Variants in TIAM2 observed in about 807,000 individuals in gnomAD.
TIAM2 encodes the protein rho guanine nucleotide exchange factor TIAM2.
A neutral mutation model predicts 152.9 loss-of-function variants in TIAM2; 80 were observed. The ratio of observed to expected loss-of-function variants is 0.52; its 90% CI spans 0.44 to 0.63. The LOEUF (loss-of-function observed/expected upper bound fraction) is 0.63, where lower values mean the gene tolerates loss of function less well. Among genes scored for constraint, TIAM2 ranks in the 30% least tolerant of loss-of-function variants. The probability of loss-of-function intolerance (pLI) is 0.00; values close to 1 mark genes in which losing one functional copy is unlikely to be tolerated. For synonymous variants in TIAM2, 804 were observed against 838.0 expected, an observed-to-expected ratio of 0.96 and a Z score of 0.70; for missense variants, 1,965 against 2,120.1, an observed-to-expected ratio of 0.93 and a Z score of 1.44.
rs77863116 is a variant in TIAM2, at chr6:155,165,258, A to G, written c.2215-5A>G. 8 of 1,601,924 alleles carry G rather than the reference A, an allele frequency of 5.0e-6. No homozygotes were observed. The Admixed American group carries it at 8.9e-5, about 18-fold the overall frequency. ...AGATTTTTTTTAAACTGTGTTTTAC[A>G]TTAGGTATGTTCTAGAGATGACTCT... On this transcript the variant is annotated splice_region_variant and splice_polypyrimidine_tract_variant and intron_variant, in intron 8 of 26. Coordinates refer to ENST00000682666, the MANE Select transcript of TIAM2 (RefSeq NM_012454.4).
intron 1 of TIAM2, among the ~76,000 whole-genome samples, chr6:155,050,648 C>T (rs1777297715): frequency 6.6e-6 from 1 of 152,194 alleles, no homozygotes; most frequent in African/African-American, 2.4e-5. Flanking sequence ...TTGCAGTGAC[C>T]TAAGAAGCTT....
At chr6:155,234,590 C>G (rs1014207499) in intron 15 of TIAM2, among the ~76,000 whole-genome samples, 1 of 152,026 alleles carries the variant, frequency 6.6e-6, no homozygotes, top group African/African-American at 2.4e-5. Flanking sequence ...TCTTTTGTAG[C>G]GATGGGTTTC....
rs1783685416 is a variant in TIAM2, at chr6:155,251,950, A to G, written c.4066A>G (p.Lys1356Glu). The stretch of plus-strand genomic sequence containing the variant: ...TTCTCTTTTCCTTTCTTTAGTTTTT[A>G]AGAGAGCCGTCATACTGGTTTATAA... ...KDLELTVFVF[K>E]RAVILVYKEN... is the part of the protein sequence containing the mutation. The change falls in exon 23 of 27, where the codon AAG (lysine) becomes GAG (glutamate). Residue 1356 changes from lysine to glutamate, a missense_variant. Lys to Glu is a moderately conservative substitution (Grantham distance 56). Around this residue, in one of 3 missense-constraint regions of TIAM2, gnomAD observed 935 missense variants for 980.0 expected, o/e 0.95. Coordinates refer to ENST00000682666, the MANE Select transcript of TIAM2 (RefSeq NM_012454.4). 2 of 1,603,124 alleles carry G rather than the reference A, an allele frequency of 1.2e-6. No homozygotes were observed. The highest frequency in any genetic ancestry group is 1.7e-6 in the Non-Finnish European group (2 of 1,175,960).
At chr6:155,106,989 G>GT (rs1411022078) in intron 2 of TIAM2, among the ~76,000 whole-genome samples, 1 of 152,222 alleles carries the variant, frequency 6.6e-6, no homozygotes, top group African/African-American at 2.4e-5. Flanking sequence ...CACAGGATCT[G>GT]TTTTTAGCTC....
At chr6:155,018,361 T>G (rs1038194258) in intron 1 of TIAM2, among the ~76,000 whole-genome samples, 1 of 152,042 alleles carries the variant, frequency 6.6e-6, no homozygotes, top group African/African-American at 2.4e-5. Flanking sequence ...ACAGGCCAGG[T>G]GCAGTGGCTT....
intron 14 of TIAM2, among the ~76,000 whole-genome samples, chr6:155,187,573 C>CCTTTTTTTTTTT (rs1189509294): frequency 1.4e-4 from 7 of 49,620 alleles, no homozygotes; most frequent in African/African-American, 3.9e-4. Flanking sequence ...ACCCCGCCCC[C>CCTTTTTTTTTTT]TTTTTTTTTT....
In TIAM2 at chr6:155,156,857, G is replaced by T. The variant is rs1333136256; in HGVS notation, c.2029-7558G>T. Among the ~76,000 whole-genome samples, 3 of 151,918 alleles carry T rather than the reference G, an allele frequency of 2.0e-5. No individual in the cohort carries two copies. The highest frequency in any genetic ancestry group is 4.4e-5 in the Non-Finnish European group (3 of 67,988). ...GCACAAATGTGCCCTGCTCCCCTCC[G>T]CCCTCTTCATCTGGCTCACCCCTTC... is the stretch of plus-strand genomic sequence containing the variant. On this transcript the variant is annotated intron_variant, in intron 7 of 26. Coordinates refer to ENST00000682666, the MANE Select transcript of TIAM2 (RefSeq NM_012454.4). This position sits in a 1 kb window ranked among gnomAD's most constrained non-coding sequence, Gnocchi z 4.4.
chr6:155,161,355 T>C (rs1780264051), intron 7 of TIAM2, among the ~76,000 whole-genome samples: 1 of 152,110 alleles, frequency 6.6e-6, no homozygotes, highest in African/African-American at 2.4e-5. Flanking sequence ...ATTTTTGCAT[T>C]TTTTTGTAGA....
At position 155,254,232 on chromosome 6, in the gene TIAM2, T is replaced by C. The variant is rs1783860275; in HGVS notation, c.4313+172T>C. The C allele has an allele frequency of 1.0e-5, 10 of 996,218 alleles. No individual in the cohort carries two copies. The South Asian group carries it at 1.4e-4, about 14-fold the overall frequency. The allele number at this position is 996,218 out of a possible 1,614,324, so 61.7% of individuals were successfully genotyped here. A position where few individuals can be genotyped will look rare whatever the true frequency, so the allele number is the denominator to read the frequency against. Reference sequence around the variant, plus strand: ...TAGGAGACTATGTTGATTAAATAAATATCAAAATCTTAAGAGTGATCAATT... The same window carrying C: ...TAGGAGACTATGTTGATTAAATAAACATCAAAATCTTAAGAGTGATCAATT... On this transcript the variant is annotated intron_variant, in intron 25 of 26. Transcript: ENST00000682666.
intron 2 of TIAM2, among the ~76,000 whole-genome samples, chr6:155,090,676 C>A (rs985478155): frequency 6.6e-6 from 1 of 152,148 alleles, no homozygotes; most frequent in African/African-American, 2.4e-5. Context: ...GGAGAGGATG[C>A]AGCCTGGGCA....
intron 5 of TIAM2, among the ~76,000 whole-genome samples, chr6:155,139,206 C>G (rs1249560542): frequency 6.6e-6 from 1 of 152,228 alleles, no homozygotes; most frequent in African/African-American, 2.4e-5. Context: ...TTCTTTGCCC[C>G]TTATCGAACA....
intron 14 of TIAM2, among the ~76,000 whole-genome samples, chr6:155,210,203 T>C (rs1387355671): frequency 6.6e-6 from 1 of 152,160 alleles, no homozygotes; most frequent in African/African-American, 2.4e-5. Context: ...TTCTACTTAT[T>C]TCATATTATT....
At chr6:155,168,946 T>C in intron 9 of TIAM2, 1 of 1,482,194 alleles carries the variant, frequency 6.7e-7, no homozygotes, top group Non-Finnish European at 9.0e-7. Flanking sequence ...GCCGCCATCT[T>C]GTTTTACATG....
At position 155,137,222 on chromosome 6, in the gene TIAM2, G is replaced by T. The variant is rs754074638; in HGVS notation, c.1240G>T (p.Asp414Tyr). The T allele has an allele frequency of 6.2e-7, 1 of 1,614,194 alleles. No homozygotes were observed. The highest frequency in any genetic ancestry group is 8.5e-7 in the Non-Finnish European group (1 of 1,180,020). The change falls in exon 5 of 27, where the codon GAT (aspartate) becomes TAT (tyrosine). Residue 414 changes from aspartate (D) to tyrosine (Y), a missense_variant. Around this residue, in one of 3 missense-constraint regions of TIAM2, gnomAD observed 1,025 missense variants for 1,119.4 expected, o/e 0.92. Transcript: ENST00000682666. ...CAGTGACTACTTTGACAGTCGCTCT[G>T]ATGGACTGAATACAGATGTGCAGGG... ...EGSDYFDSRS[D>Y]GLNTDVQGSS...
intron 1 of TIAM2, among the ~76,000 whole-genome samples, chr6:155,047,698 A>AGAGAGAGAGAGAGAGAGGG (rs1777219529): frequency 2.4e-5 from 1 of 41,610 alleles, no homozygotes; most frequent in African/African-American, 1.2e-4. Flanking sequence ...GGAGAGAGAG[A>AGAGAGAGAGAGAGAGAGGG]GAGAGAGCGA....
intron 1 of TIAM2, among the ~76,000 whole-genome samples, chr6:155,010,743 G>A (rs1002357607): frequency 6.8e-6 from 1 of 147,592 alleles, no homozygotes; most frequent in South Asian, 2.2e-4. Context: ...GAGCCACTGC[G>A]CCCAGCTTAC....
intron 1 of TIAM2, among the ~76,000 whole-genome samples, chr6:155,074,733 G>T (rs188660741): frequency 3.3e-4 from 50 of 151,876 alleles, no homozygotes; most frequent in African/African-American, 1.1e-3. Context: ...CTTTCTAAGA[G>T]ACTAAGAGGC....
chr6:155,144,535 A>G (rs1255898358), intron 5 of TIAM2, 71 bp from the exon 6 acceptor site: 1 of 1,395,204 alleles, frequency 7.2e-7, no homozygotes, highest in Non-Finnish European at 9.4e-7. Flanking sequence ...AAAGTGTGTC[A>G]CTTACCCTCC....
chr6:155,167,010 C>T (rs568520253), intron 9 of TIAM2, among the ~76,000 whole-genome samples: 56 of 152,144 alleles, frequency 3.7e-4, no homozygotes, highest in Middle Eastern at 3.4e-3. Context: ...TATTTGATAA[C>T]GCTTTTGTGA....
Sources: gnomAD v4.1 joint callset for allele counts (sites outside exome capture counted in the v4.1 genomes callset) on GRCh38, gnomAD v4.1.1 for gene constraint, gnomAD v4.1.1 regional missense constraint, Gnocchi (gnomAD v3.1) non-coding constraint, MANE v1.5 for transcripts, NCBI Gene and HGNC (gene_info 2026-07-23, HGNC 2026-07-21) for gene names.